Variants in ACTR6 observed in about 807,000 individuals in gnomAD.
ACTR6 encodes the protein actin related protein 6, also known as actin-related protein 6.
A neutral mutation model predicts 52.5 loss-of-function variants in ACTR6; 50 were observed. That is an observed-to-expected ratio of 0.95 (90% CI 0.76 to 1.20). The LOEUF is 1.20. Ranked by LOEUF, ACTR6 falls within the 50% of genes most tolerant of loss-of-function variation. The pLI, the probability that ACTR6 is intolerant of heterozygous loss-of-function variation, is 0.00. For synonymous variants in ACTR6, 135 were observed against 147.2 expected, an observed-to-expected ratio of 0.92 and a Z score of 0.60; for missense variants, 344 against 472.4, an observed-to-expected ratio of 0.73 and a Z score of 2.52.
chr12:100,206,817 C>T (rs929318611), intron 3 of ACTR6, among the ~76,000 whole-genome samples: 86 of 150,142 alleles, frequency 5.7e-4, no homozygotes, highest in African/African-American at 1.6e-3. Context: ...TACAGGCATG[C>T]GCCACCACAC....
intron 1 of ACTR6, chr12:100,201,134 A>T (rs1324777777): frequency 3.1e-6 from 4 of 1,280,110 alleles, no homozygotes; most frequent in Non-Finnish European, 4.1e-6. Flanking sequence ...CGGAAGTGGG[A>T]TATATGTTTT....
At chr12:100,210,514 T>C (rs141452143) in intron 6 of ACTR6, among the ~76,000 whole-genome samples, 163 bp downstream of exon 6, 2,523 of 151,988 alleles carry the variant, frequency 0.017, 67 homozygotes, top group African/African-American at 0.058. Context: ...AGGCCAGGAG[T>C]TCGAGACCAG....
At chr12:100,215,613 A>G (rs1440141743) in intron 8 of ACTR6, among the ~76,000 whole-genome samples, 1 of 152,236 alleles carries the variant, frequency 6.6e-6, no homozygotes. Flanking sequence ...GGACAAAGTC[A>G]GTTGGAACTG....
At position 100,220,091 on chromosome 12, in the gene ACTR6, G is replaced by T. The variant is rs771085723; in HGVS notation, c.1006G>T (p.Glu336Ter). The stretch of plus-strand genomic sequence containing the variant: ...AGGATTTAGGGATCGGGTTTACTCA[G>T]AAGTTCGATGTCTTACTCCAACAGA... ...FPGFRDRVYS[E>*]VRCLTPTDYD... is the part of the protein sequence containing the mutation. The change falls in exon 10 of 11, where the codon GAA becomes TAA. Residue 336 changes from glutamate to a stop codon, truncating the protein, a stop_gained. Transcript: ENST00000188312. LOFTEE classifies it high-confidence loss of function. 1.2e-6 allele frequency: 2 copies of T among 1,613,920 alleles called. No homozygotes were observed. The highest frequency in any genetic ancestry group is 2.2e-5 in the South Asian group (2 of 91,066).
chr12:100,203,146 C>T (rs1167705297), intron 1 of ACTR6, among the ~76,000 whole-genome samples: 2 of 152,112 alleles, frequency 1.3e-5, no homozygotes, highest in African/African-American at 4.8e-5. Flanking sequence ...TTAATGCTTA[C>T]GGCCCCACCC....
intron 5 of ACTR6, 40 bp from the exon 6 acceptor site, chr12:100,210,255 T>G (rs1270818901): frequency 1.2e-6 from 2 of 1,608,344 alleles, no homozygotes; most frequent in Non-Finnish European, 8.5e-7. Flanking sequence ...TTAAACAGAA[T>G]GATATGTGCG....
intron 6 of ACTR6, 75 bp downstream of exon 6, chr12:100,210,426 C>T: frequency 6.7e-7 from 1 of 1,487,258 alleles, no homozygotes. Flanking sequence ...AAGATTATTC[C>T]TTACTTTTAA....
At chr12:100,202,732 C>T (rs1281293804) in intron 1 of ACTR6, among the ~76,000 whole-genome samples, 1 of 152,022 alleles carries the variant, frequency 6.6e-6, no homozygotes, top group Non-Finnish European at 1.5e-5. Context: ...TGGCAGGCGC[C>T]TGTAGTCCCA....
chr12:100,207,900 C>A, intron 4 of ACTR6, 114 bp downstream of exon 4: 1 of 1,155,372 alleles, frequency 8.7e-7, no homozygotes, highest in Non-Finnish European at 1.3e-6. Flanking sequence ...GTGGCTAACA[C>A]CTGTAACCCC....
chr12:100,217,424 G>T (rs553366465), intron 8 of ACTR6, among the ~76,000 whole-genome samples: 1 of 152,264 alleles, frequency 6.6e-6, no homozygotes, highest in Non-Finnish European at 1.5e-5. Flanking sequence ...ATCCTTTTAT[G>T]GGAGGACAAC....
chr12:100,201,352 T>C (rs1301942573), intron 1 of ACTR6, among the ~76,000 whole-genome samples: 1 of 152,232 alleles, frequency 6.6e-6, no homozygotes, highest in African/African-American at 2.4e-5. Flanking sequence ...TCTTAGGATC[T>C]AGAGGCTTTG....
At chr12:100,202,756 C>T (rs1374573988) in intron 1 of ACTR6, among the ~76,000 whole-genome samples, 1 of 151,600 alleles carries the variant, frequency 6.6e-6, no homozygotes, top group East Asian at 2.0e-4. Flanking sequence ...ACCTGGGAGG[C>T]TGAGGCGGGA....
At chr12:100,207,901 C>T in intron 4 of ACTR6, 115 bp downstream of exon 4, 1 of 1,155,680 alleles carries the variant, frequency 8.7e-7, no homozygotes, top group African/African-American at 1.5e-5. Context: ...TGGCTAACAC[C>T]TGTAACCCCA....
At position 100,204,956 on chromosome 12, in the gene ACTR6, C is replaced by A; in HGVS notation, c.85C>A (p.Gln29Lys). Residue 29 changes from glutamine to lysine, a missense_variant, in exon 2 of 11, where the codon CAG becomes AAG. Gln to Lys is a moderately conservative substitution (Grantham distance 53). Transcript: ENST00000188312. ...HENVSVIPNC[Q>K]FRSKTARLKT... ...TGTTTCTAGGGTTATTCCTAATTGT[C>A]AGTTCCGGTCAAAAACAGCACGTCT... is the stretch of plus-strand genomic sequence containing the variant. 6.2e-7 allele frequency: 1 copy of A among 1,608,042 alleles called. No homozygotes were observed. Among genetic ancestry groups the A allele is most frequent in the South Asian group, 1.1e-5 (1 of 90,576 alleles).
chr12:100,217,462 G>A (rs2096124760), intron 8 of ACTR6, among the ~76,000 whole-genome samples: 1 of 152,144 alleles, frequency 6.6e-6, no homozygotes, highest in South Asian at 2.1e-4. Flanking sequence ...TGAAATGAAT[G>A]TCTTTACCTG....
chr12:100,203,953 T>G (rs1198344952), intron 1 of ACTR6: 2 of 152,256 alleles, frequency 1.3e-5, no homozygotes, highest in African/African-American at 4.8e-5. Flanking sequence ...CCGGCCTAAC[T>G]TGTGAATCTT....
At chr12:100,205,321 G>A (rs2096113552) in intron 2 of ACTR6, 1 of 310,662 alleles carries the variant, frequency 3.2e-6, no homozygotes, top group Non-Finnish European at 5.7e-6. Context: ...GTATATATTG[G>A]TGTGTCTTTT....
intron 8 of ACTR6, among the ~76,000 whole-genome samples, chr12:100,217,916 T>C (rs1050567340): frequency 2.0e-5 from 3 of 152,226 alleles, no homozygotes; most frequent in African/African-American, 7.2e-5. Flanking sequence ...ATGTGTTCTT[T>C]GTTCCCTAGA....
At chr12:100,203,913 TG>T (rs2096112189) in intron 1 of ACTR6, 1 of 152,276 alleles carries the variant, frequency 6.6e-6, no homozygotes, top group East Asian at 1.9e-4. Context: ...CCTCCCAAAG[TG>T]CTGGGATTAC....
Sources: gnomAD v4.1 joint callset for allele counts (sites outside exome capture counted in the v4.1 genomes callset) on GRCh38, gnomAD v4.1.1 for gene constraint, MANE v1.5 for transcripts, NCBI Gene and HGNC (gene_info 2026-07-23, HGNC 2026-07-21) for gene names.